Variants in SDK2 observed in about 807,000 individuals in gnomAD.
SDK2 encodes protein sidekick-2.
Under a neutral mutation model 253.9 loss-of-function variants are expected in SDK2, and 105 were observed. That is an observed-to-expected ratio of 0.41 (90% confidence interval 0.35 to 0.49). The LOEUF (loss-of-function observed/expected upper bound fraction) is 0.49. Ranked by LOEUF, SDK2 falls within the 20% of genes least tolerant of loss-of-function variation. SDK2 has a pLI of 0.06. For synonymous variants in SDK2, 1,249 were observed against 1,234.9 expected (o/e 1.01, Z -0.24); for missense variants, 2,608 against 3,003.0 (o/e 0.87, Z 3.07).
At chr17:73,457,262 CCTTCCTTCCTTCCTT>C (rs2063533103) in intron 3 of SDK2, among the ~76,000 whole-genome samples, 1 of 69,788 alleles carries the variant, frequency 1.4e-5, no homozygotes, top group Non-Finnish European at 2.7e-5. Context: ...TTCCTTCCTT[CCTTCCTTCCTTCCTT>C]CCTTCCTTCC....
In SDK2 at chr17:73,437,761, C is replaced by T; in HGVS notation, c.978G>A (p.Val326=). The T allele has an allele frequency of 6.2e-7, 1 of 1,614,010 alleles. No individual in the cohort carries two copies. The highest frequency in any genetic ancestry group is 2.2e-5 in the East Asian group (1 of 44,876). Reference sequence around the variant, plus strand: ...TACCTTTGGCCTGACAGGGGATGTCCACCACCTTCTCCATCTCCGCAGTGA... The same window carrying T: ...TACCTTTGGCCTGACAGGGGATGTCTACCACCTTCTCCATCTCCGCAGTGA... ...RHITAEMEKV[V]DIPCQAKGVP... Residue 326 remains valine, a synonymous_variant, in exon 8 of 45, where the codon GTG becomes GTA. Coordinates refer to ENST00000392650, the MANE Select transcript of SDK2 (RefSeq NM_001144952.2).
At chr17:73,454,995 G>A (rs573594835) in intron 4 of SDK2, among the ~76,000 whole-genome samples, 11 of 152,250 alleles carry the variant, frequency 7.2e-5, no homozygotes, top group South Asian at 2.1e-4. Context: ...GAGCCGCCGC[G>A]TCCGGCCTGT....
rs912006473 is a variant in SDK2 at position 73,350,578 on chromosome 17, C to A, written c.5899+72G>T. ...AGGAGCCAGGAGAGGGACCTGATCA[C>A]CCCTGTTCTGGCCAAAAAGGAGATA... On this transcript the variant is annotated intron_variant, in intron 42 of 44. Coordinates refer to ENST00000392650, the MANE Select transcript of SDK2 (RefSeq NM_001144952.2). The A allele has an allele frequency of 1.3e-5, 20 of 1,535,500 alleles. No homozygotes were observed. The South Asian group carries it at 1.9e-4, about 14-fold the overall frequency.
chr17:73,395,519 T>G lies in SDK2; in HGVS notation c.3355-127A>C. On this transcript the variant is annotated intron_variant, in intron 24 of 44. Transcript: ENST00000392650. This position sits in a 1 kb window ranked among gnomAD's most constrained non-coding sequence, Gnocchi z 4.3. ...ATCCATCCCACTGTCACCCGGTCAG[T>G]GTCCACATGAGGCTCTCTCACCCGA... The G allele has an allele frequency of 4.4e-6, 3 of 685,222 alleles. No individual in the cohort carries two copies. The highest frequency in any genetic ancestry group is 1.8e-5 in the South Asian group (1 of 54,836). The allele number at this position is 685,222 out of a possible 1,614,324, so 42.4% of individuals were successfully genotyped here. A position where few individuals can be genotyped will look rare whatever the true frequency, so the allele number is the denominator to read the frequency against.
rs2046372978 is a variant in SDK2 at position 73,639,617 on chromosome 17, T to C, written c.64+4408A>G. On this transcript the variant is annotated intron_variant, in intron 1 of 44. Coordinates refer to ENST00000392650, the MANE Select transcript of SDK2 (RefSeq NM_001144952.2). This position sits in a 1 kb window ranked among gnomAD's most constrained non-coding sequence, Gnocchi z 4.3. ...TCCAGGGCTGTCTGTGGCAACATGC[T>C]CCAGGGGGAGCGGGGTAGAAACCCC... Among the ~76,000 whole-genome samples, 1 of 152,086 alleles carries C rather than the reference T, an allele frequency of 6.6e-6. No individual in the cohort carries two copies. The highest frequency in any genetic ancestry group is 2.4e-5 in the African/African-American group (1 of 41,420).
chr17:73,433,599 C>G lies in SDK2; in HGVS notation c.1312+133G>C, dbSNP rs74766034. Reference sequence around the variant, plus strand: ...CCACCGCGCCCGGCCGAGAGATGCTCTCTTGGGTTGTACAGTGTATGACCT... The same window carrying G: ...CCACCGCGCCCGGCCGAGAGATGCTGTCTTGGGTTGTACAGTGTATGACCT... On this transcript the variant is annotated intron_variant, in intron 10 of 44. Transcript: ENST00000392650. The G allele has an allele frequency of 0.016, 10,967 of 666,754 alleles. 880 individuals carry two copies. The African/African-American group carries it at 0.18, about 11-fold the overall frequency. 41.3% of individuals were successfully genotyped at this position (666,754 alleles called of 1,614,324 possible).
intron 3 of SDK2, among the ~76,000 whole-genome samples, chr17:73,459,434 C>T (rs938749553): frequency 1.3e-5 from 2 of 152,214 alleles, no homozygotes; most frequent in African/African-American, 4.8e-5. Context: ...CCACCTCCCA[C>T]CCCACGGCCT....
chr17:73,389,120 C>T (rs1352865519), intron 29 of SDK2, among the ~76,000 whole-genome samples: 2 of 150,490 alleles, frequency 1.3e-5, no homozygotes, highest in Non-Finnish European at 3.0e-5. Flanking sequence ...AATCCTTCTA[C>T]CTCGGCCTCT....
chr17:73,638,996 G>C (rs2046365411), intron 1 of SDK2, among the ~76,000 whole-genome samples: 1 of 151,994 alleles, frequency 6.6e-6, no homozygotes, highest in Admixed American at 6.6e-5. Context: ...TTTTAATAGA[G>C]ATGGGGTTTC....
intron 29 of SDK2, among the ~76,000 whole-genome samples, chr17:73,388,563 G>T (rs2062894107): frequency 6.6e-6 from 1 of 152,156 alleles, no homozygotes; most frequent in Admixed American, 6.5e-5. Context: ...TGCAATGCAG[G>T]ATGCTCAGCA....
At chr17:73,506,761 C>G (rs370389167) in intron 2 of SDK2, among the ~76,000 whole-genome samples, 4 of 152,206 alleles carry the variant, frequency 2.6e-5, no homozygotes, top group African/African-American at 9.6e-5. Context: ...CGAGGAAAGG[C>G]TGGAGGCCAG....
Position 73,338,673 on chromosome 17 carries a change from T to C in SDK2, c.6433A>G (p.Ser2145Gly), listed in dbSNP as rs781412277. 5.0e-6 allele frequency: 8 copies of C among 1,586,720 alleles called. No homozygotes were observed. Among genetic ancestry groups the C allele is most frequent in the Non-Finnish European group, 6.9e-6 (8 of 1,166,514 alleles). The change falls in exon 45 of 45, where the codon AGT becomes GGT. Residue 2145 changes from serine (S) to glycine (G), a missense_variant. Physicochemically the swap from Ser to Gly is moderately conservative, Grantham distance 56 (BLOSUM62 0). Coordinates refer to ENST00000392650, the MANE Select transcript of SDK2 (RefSeq NM_001144952.2). This position sits in a 1 kb window ranked among gnomAD's most constrained non-coding sequence, Gnocchi z 5.0. ...GGACGGTAGAGGGTGCTCTGCTGAC[T>C]TGGGGGGTTAGGGGGGTTCTGGGGC... ...PTPQNPPNPPSQQSTLYRPPS... is the reference protein window; with the variant it reads ...PTPQNPPNPPGQQSTLYRPPS...
intron 38 of SDK2, 86 bp downstream of exon 38, chr17:73,365,172 T>G: frequency 1.0e-6 from 1 of 987,314 alleles, no homozygotes; most frequent in Non-Finnish European, 1.4e-6. Flanking sequence ...ATCTCACTCA[T>G]GTGTAGTGGC....
In SDK2 at chr17:73,545,753, G is replaced by A. The variant is rs187886102; in HGVS notation, c.65-38156C>T. On this transcript the variant is annotated intron_variant, in intron 1 of 44. Transcript: ENST00000392650. ...GCTACTCTCAGGAGGGTGACCCAGCGCTGCAAGGCTGCCCTGGGATGCCCC... is the reference window on the plus strand; with the variant it reads ...GCTACTCTCAGGAGGGTGACCCAGCACTGCAAGGCTGCCCTGGGATGCCCC... 2.9e-3 allele frequency among the ~76,000 whole-genome samples: 439 copies of A among 152,284 alleles called. 4 individuals are homozygous for A. The highest frequency in any genetic ancestry group is 4.0e-3 in the Non-Finnish European group (274 of 68,016).
intron 24 of SDK2, among the ~76,000 whole-genome samples, chr17:73,396,785 G>A (rs2062974390): frequency 6.6e-6 from 1 of 152,148 alleles, no homozygotes; most frequent in Non-Finnish European, 1.5e-5. Flanking sequence ...GTGAGATTCA[G>A]GAAGGAAGCA....
Position 73,431,493 on chromosome 17 carries a change from C to G in SDK2, c.1480+9G>C. The G allele has an allele frequency of 1.2e-6, 2 of 1,607,660 alleles. No individual in the cohort carries two copies. Among genetic ancestry groups the G allele is most frequent in the Non-Finnish European group, 1.7e-6 (2 of 1,177,356 alleles). On this transcript the variant is annotated intron_variant, in intron 11 of 44. Transcript: ENST00000392650. The surrounding 1 kb of genome is among the most constrained non-coding windows in gnomAD (Gnocchi z 5.6). ...AAATGTATAAAGCCCTGTGGCTCTGCACACTCACCCCAAACGACTAGGTCT... is the reference window on the plus strand; with the variant it reads ...AAATGTATAAAGCCCTGTGGCTCTGGACACTCACCCCAAACGACTAGGTCT...
chr17:73,478,362 C>A (rs922396891), intron 2 of SDK2, among the ~76,000 whole-genome samples: 3 of 152,132 alleles, frequency 2.0e-5, no homozygotes, highest in Non-Finnish European at 4.4e-5. Context: ...TGCTTTCTCC[C>A]AGTTCAATGG....
At chr17:73,504,834 C>T (rs566060730) in intron 2 of SDK2, among the ~76,000 whole-genome samples, 1 of 151,978 alleles carries the variant, frequency 6.6e-6, no homozygotes, top group African/African-American at 2.4e-5. Context: ...GATGGTCTAG[C>T]GGGGGTGGCA....
intron 36 of SDK2, among the ~76,000 whole-genome samples, chr17:73,374,219 C>T (rs1378885351): frequency 6.9e-6 from 1 of 144,382 alleles, no homozygotes; most frequent in Non-Finnish European, 1.5e-5. Context: ...ATCTATATGC[C>T]GAGGACTCTA....
Sources: gnomAD v4.1 joint callset for allele counts (sites outside exome capture counted in the v4.1 genomes callset) on GRCh38, gnomAD v4.1.1 for gene constraint, Gnocchi (gnomAD v3.1) non-coding constraint, MANE v1.5 for transcripts, NCBI Gene and HGNC (gene_info 2026-07-23, HGNC 2026-07-21) for gene names.